KCNMA1: variants seen among roughly 807,000 people sequenced by gnomAD.
KCNMA1 encodes Calcium-activated potassium channel subunit alpha-1.
KCNMA1 carries 29 observed loss-of-function variants against 140.0 expected under a neutral mutation model. That is an observed-to-expected ratio of 0.21 (90% CI 0.15 to 0.28). KCNMA1 has a LOEUF of 0.28. KCNMA1 is among the 10% of genes least tolerant of loss of function. The probability of loss-of-function intolerance (pLI) is 1.00; values close to 1 mark genes in which losing one functional copy is unlikely to be tolerated. For missense variants in KCNMA1, 880 were observed against 1,602.2 expected (o/e 0.55, Z 7.70); for synonymous variants, 612 against 611.9 (o/e 1.00, Z 0.00).
intron 5 of KCNMA1, among the ~76,000 whole-genome samples, chr10:77,167,884 T>C (rs1248629504): frequency 6.6e-6 from 1 of 152,000 alleles, no homozygotes; most frequent in Non-Finnish European, 1.5e-5. Context: ...GGTCTCACCA[T>C]GTTGCCCAGG....
chr10:77,142,078 C>T lies in KCNMA1; in HGVS notation c.809-21030G>A, dbSNP rs945445128. ...TGGTTAAAGTGCTGTAAAGAAAAACCCTAAGTAGGCCGGGCGCAGTGGCTC... is the reference window on the plus strand; with the variant it reads ...TGGTTAAAGTGCTGTAAAGAAAAACTCTAAGTAGGCCGGGCGCAGTGGCTC... On this transcript the variant is annotated intron_variant, in intron 5 of 27. Coordinates refer to ENST00000286628, the MANE Select transcript of KCNMA1 (RefSeq NM_001161352.2). 3.3e-5 allele frequency among the ~76,000 whole-genome samples: 5 copies of T among 152,072 alleles called. No homozygotes were observed. The South Asian group carries it at 1.0e-3, about 32-fold the overall frequency.
At chr10:77,321,739 T>C (rs531044626) in intron 2 of KCNMA1, among the ~76,000 whole-genome samples, 1 of 152,292 alleles carries the variant, frequency 6.6e-6, no homozygotes, top group Non-Finnish European at 1.5e-5. Context: ...ATTTGTTTTG[T>C]TTTGTGTTTT....
chr10:77,579,950 T>A (rs997339503), intron 1 of KCNMA1, among the ~76,000 whole-genome samples: 4 of 152,202 alleles, frequency 2.6e-5, no homozygotes. Flanking sequence ...CAGCCTCTCG[T>A]CCTAGCAAAC....
intron 19 of KCNMA1, among the ~76,000 whole-genome samples, chr10:76,972,821 G>A (rs1378103384): frequency 1.3e-5 from 2 of 152,072 alleles, no homozygotes; most frequent in African/African-American, 4.8e-5. Flanking sequence ...ATTACATATG[G>A]CTTAGGTCCC....
intron 23 of KCNMA1, among the ~76,000 whole-genome samples, chr10:76,933,993 G>A (rs1029452502): frequency 6.6e-6 from 1 of 151,780 alleles, no homozygotes; most frequent in African/African-American, 2.4e-5. Context: ...TTGTTTTTGA[G>A]ATGGGATCTC....
At chr10:77,147,523 C>T (rs1311922958) in intron 5 of KCNMA1, 1 of 152,110 alleles carries the variant, frequency 6.6e-6, no homozygotes, top group Non-Finnish European at 1.5e-5. Context: ...CTTTCATCAT[C>T]AGCTAGCAGT....
At chr10:77,374,174 G>C (rs2094928869) in intron 2 of KCNMA1, among the ~76,000 whole-genome samples, 1 of 152,156 alleles carries the variant, frequency 6.6e-6, no homozygotes, top group Non-Finnish European at 1.5e-5. Context: ...GGCCAAGCCT[G>C]GGCGCTCTGA....
At chr10:77,326,516 CGTGGTG>C (rs71477080) in intron 2 of KCNMA1, among the ~76,000 whole-genome samples, 39,357 of 151,344 alleles carry the variant, frequency 0.26, 6,358 homozygotes, top group Non-Finnish European at 0.38. Flanking sequence ...TGAGGACGAG[CGTGGTG>C]GTGGTGGTGG....
intron 1 of KCNMA1, among the ~76,000 whole-genome samples, chr10:77,600,262 G>A (rs1163269973): frequency 1.3e-5 from 2 of 152,204 alleles, no homozygotes; most frequent in Non-Finnish European, 2.9e-5. Flanking sequence ...AAGATGAAGA[G>A]TGACCCAGAG....
At chr10:76,916,158 T>C (rs945554178) in intron 23 of KCNMA1, among the ~76,000 whole-genome samples, 1 of 152,230 alleles carries the variant, frequency 6.6e-6, no homozygotes, top group Non-Finnish European at 1.5e-5. Flanking sequence ...TAAATCCTCC[T>C]GACTAATGTA....
At chr10:77,520,422 A>C (rs2154550546) in intron 1 of KCNMA1, among the ~76,000 whole-genome samples, 1 of 152,094 alleles carries the variant, frequency 6.6e-6, no homozygotes, top group Admixed American at 6.5e-5. Flanking sequence ...ACTTCATCTC[A>C]GCAGGTTCCT....
At chr10:76,905,977 C>G (rs904132085) in intron 25 of KCNMA1, among the ~76,000 whole-genome samples, 13 of 152,202 alleles carry the variant, frequency 8.5e-5, no homozygotes, top group Admixed American at 5.2e-4. Flanking sequence ...CCGCTCTAAT[C>G]GCTTTACAAC....
chr10:76,924,529 C>T (rs2057078701), intron 23 of KCNMA1, among the ~76,000 whole-genome samples: 1 of 151,482 alleles, frequency 6.6e-6, no homozygotes, highest in Admixed American at 6.6e-5. Context: ...TGTTAAAGAC[C>T]CTGAAATCTC....
intron 5 of KCNMA1, among the ~76,000 whole-genome samples, chr10:77,127,408 C>T (rs139469127): frequency 8.4e-4 from 128 of 152,268 alleles, no homozygotes; most frequent in Non-Finnish European, 1.7e-3. Context: ...GTACAGACTT[C>T]AGCCAGTCAT....
At chr10:77,551,555 T>C (rs552380325) in intron 1 of KCNMA1, among the ~76,000 whole-genome samples, 1 of 152,300 alleles carries the variant, frequency 6.6e-6, no homozygotes, top group Admixed American at 6.5e-5. Context: ...GAGGCACTGC[T>C]CTCCATGTGG....
intron 2 of KCNMA1, among the ~76,000 whole-genome samples, chr10:77,325,742 C>T (rs2083921719): frequency 6.6e-6 from 1 of 152,188 alleles, no homozygotes. Context: ...GCTGTGCTTG[C>T]CTCTGCTGCC....
intron 23 of KCNMA1, among the ~76,000 whole-genome samples, chr10:76,932,051 G>A (rs1258847181): frequency 2.6e-5 from 4 of 152,122 alleles, no homozygotes; most frequent in Non-Finnish European, 5.9e-5. Context: ...ATCCTAGGTA[G>A]GAAGTGCTTT....
intron 1 of KCNMA1, among the ~76,000 whole-genome samples, chr10:77,514,847 A>G (rs1294281996): frequency 6.6e-6 from 1 of 150,994 alleles, no homozygotes; most frequent in Non-Finnish European, 1.5e-5. Flanking sequence ...CTGCCTCTTC[A>G]CTCACGTCTA....
At position 77,026,320 on chromosome 10, in the gene KCNMA1, A is replaced by AT. The variant is rs936689088; in HGVS notation, c.1928+1502dup. Among the ~76,000 whole-genome samples, 15 of 151,550 alleles carry AT rather than the reference A, an allele frequency of 9.9e-5. No individual in the cohort carries two copies. The East Asian group carries it at 2.1e-3, about 22-fold the overall frequency. On this transcript the variant is annotated intron_variant, in intron 16 of 27. Transcript: ENST00000286628. ...GCATCAGCATCACCCACATCATGAC[A>AT]TTTTTTTTTGAAAGATGCACAAAAG...
Sources: gnomAD v4.1 joint callset for allele counts (sites outside exome capture counted in the v4.1 genomes callset) on GRCh38, gnomAD v4.1.1 for gene constraint, MANE v1.5 for transcripts, NCBI Gene and HGNC (gene_info 2026-07-23, HGNC 2026-07-21) for gene names.